The following YAP1 variants were observed in gnomAD, a reference collection of about 807,000 sequenced individuals.
YAP1 encodes the protein Yes1 associated transcriptional regulator.
A neutral mutation model predicts 56.9 loss-of-function variants in YAP1; 5 were observed. The ratio of observed to expected loss-of-function variants is 0.09; its 90% confidence interval spans 0.05 to 0.18. The LOEUF (loss-of-function observed/expected upper bound fraction) is 0.18. Among genes scored for constraint, YAP1 ranks in the 10% least tolerant of loss-of-function variants. The probability of loss-of-function intolerance (pLI) is 1.00; values close to 1 mark genes in which losing one functional copy is unlikely to be tolerated. For synonymous variants in YAP1, 265 were observed against 248.1 expected, an observed-to-expected ratio of 1.07 and a Z score of -0.64; for missense variants, 539 against 651.8, an observed-to-expected ratio of 0.83 and a Z score of 1.88.
intron 2 of YAP1, among the ~76,000 whole-genome samples, chr11:102,132,277 G>GA (rs780715525): frequency 5.4e-4 from 82 of 152,336 alleles, no homozygotes; most frequent in Non-Finnish European, 1.1e-3. Flanking sequence ...AGGAGTCAAA[G>GA]ACAGAGCTGC....
chr11:102,181,883 G>A (rs774460858), intron 3 of YAP1, among the ~76,000 whole-genome samples: 12 of 152,140 alleles, frequency 7.9e-5, no homozygotes, highest in South Asian at 2.1e-4. Context: ...GTGCAGTGGC[G>A]TGATCTGGCT....
rs1247288148 is a variant in YAP1, at chr11:102,162,580, G to A, written c.688+9G>A. ...GATGAACTCGGCTTCAGGTGAGTGA[G>A]ACACTGTAATTACAGCACATGGAGT... is the stretch of plus-strand genomic sequence containing the variant. On this transcript the variant is annotated intron_variant, in intron 3 of 8. Transcript: ENST00000282441. The A allele has an allele frequency of 6.2e-7, 1 of 1,611,308 alleles. No homozygotes were observed. Among genetic ancestry groups the A allele is most frequent in the Non-Finnish European group, 8.5e-7 (1 of 1,177,384 alleles).
At chr11:102,186,177 T>A in intron 4 of YAP1, 46 bp downstream of exon 4, 3 of 1,573,364 alleles carry the variant, frequency 1.9e-6, no homozygotes, top group Non-Finnish European at 2.6e-6. Context: ...TGGTTGCTAA[T>A]TTTTTTTGTA....
At chr11:102,114,031 A>G (rs1943126729) in intron 1 of YAP1, 113 bp from the exon 2 acceptor site, 10 of 1,149,144 alleles carry the variant, frequency 8.7e-6, no homozygotes, top group Non-Finnish European at 1.2e-5. Context: ...AAATGTTGAA[A>G]TTTTCCTTTG....
chr11:102,149,550 G>A (rs1591235861), intron 2 of YAP1, among the ~76,000 whole-genome samples: 2 of 152,226 alleles, frequency 1.3e-5, no homozygotes, highest in Non-Finnish European at 2.9e-5. Flanking sequence ...GAAGTGGCTT[G>A]TGATACAGGG....
chr11:102,142,383 A>T (rs1349790138), intron 2 of YAP1, among the ~76,000 whole-genome samples: 1 of 152,174 alleles, frequency 6.6e-6, no homozygotes, highest in Non-Finnish European at 1.5e-5. Flanking sequence ...CATATCACAA[A>T]TTGTTTATTA....
At chr11:102,217,732 C>T (rs138635933) in intron 6 of YAP1, among the ~76,000 whole-genome samples, 44 of 151,874 alleles carry the variant, frequency 2.9e-4, no homozygotes, top group African/African-American at 9.2e-4. Flanking sequence ...TTCTTATTGC[C>T]CAGGTTGGAG....
chr11:102,229,671 G>A (rs373217072), intron 8 of YAP1, 31 bp from the exon 9 acceptor site: 1 of 1,598,970 alleles, frequency 6.3e-7, no homozygotes, highest in Non-Finnish European at 8.6e-7. Flanking sequence ...TTTTCAAAAA[G>A]GACTTTGTTA....
intron 3 of YAP1, among the ~76,000 whole-genome samples, chr11:102,178,302 C>T (rs1315282311): frequency 1.3e-5 from 2 of 152,138 alleles, no homozygotes; most frequent in Non-Finnish European, 1.5e-5. Context: ...CTTGATAATC[C>T]TGTACTTTGT....
rs10607591 is a variant in YAP1, at chr11:102,186,690, CAAAG to C, written c.802+564_802+567del. The C allele has an allele frequency of 8.7e-3, 1,328 of 153,322 alleles. 13 individuals carry two copies. Among genetic ancestry groups the C allele is most frequent in the African/African-American group, 0.026 (1,091 of 41,372 alleles). The allele number at this position is 153,322 out of a possible 1,614,324, so 9.5% of individuals were successfully genotyped here. On this transcript the variant is annotated intron_variant, in intron 4 of 8. Coordinates refer to ENST00000282441, the MANE Select transcript of YAP1 (RefSeq NM_001130145.3). ...TGTTTTTTTTTCTTCATTCAGAAAACAAAGAAAGCCATATTCCCCTCCAGATCTC... is the reference window on the plus strand; with the variant it reads ...TGTTTTTTTTTCTTCATTCAGAAAACAAAGCCATATTCCCCTCCAGATCTC...
chr11:102,141,002 G>A (rs1565450374), intron 2 of YAP1, among the ~76,000 whole-genome samples: 1 of 152,272 alleles, frequency 6.6e-6, no homozygotes, highest in East Asian at 1.9e-4. Context: ...ACTGAATGGT[G>A]GCTTTTGGGA....
At chr11:102,170,966 CAAAAAAAAAAAAAA>C (rs1318003282) in intron 3 of YAP1, among the ~76,000 whole-genome samples, 4 of 129,252 alleles carry the variant, frequency 3.1e-5, no homozygotes, top group Non-Finnish European at 5.0e-5. Flanking sequence ...GACTCTGTCT[CAAAAAAAAAAAAAA>C]GAAAAAAAAA....
Position 102,231,427 on chromosome 11 carries a change from T to G in YAP1, c.*1487T>G, listed in dbSNP as rs1033896967. The G allele has an allele frequency of 6.6e-6, 1 of 152,494 alleles. No homozygotes were observed. Among genetic ancestry groups the G allele is most frequent in the Non-Finnish European group, 1.5e-5 (1 of 68,028 alleles). The allele number at this position is 152,494 out of a possible 1,614,324, so 9.4% of individuals were successfully genotyped here. A position where few individuals can be genotyped will look rare whatever the true frequency, so the allele number is the denominator to read the frequency against. ...TTGCTCCTACTTCTATGCTGAAAATTGACCCTGGATAGAATACTATAAGGT... is the reference window on the plus strand; with the variant it reads ...TTGCTCCTACTTCTATGCTGAAAATGGACCCTGGATAGAATACTATAAGGT... On this transcript the variant is annotated 3_prime_UTR_variant, in exon 9 of 9. Transcript: ENST00000282441.
chr11:102,222,883 A>T, intron 6 of YAP1, among the ~76,000 whole-genome samples: 1 of 127,518 alleles, frequency 7.8e-6, no homozygotes, highest in Non-Finnish European at 1.7e-5. Context: ...TTGGCGGGGG[A>T]GGGGGTCGGG....
chr11:102,178,330 G>A (rs1393507574), intron 3 of YAP1, among the ~76,000 whole-genome samples: 1 of 152,180 alleles, frequency 6.6e-6, no homozygotes, highest in Admixed American at 6.5e-5. Flanking sequence ...ATCAGGGTGT[G>A]TTTAGTAAAC....
In YAP1 at chr11:102,110,617, C is replaced by T. The variant is rs1210374514; in HGVS notation, c.-232C>T. On this transcript the variant is annotated 5_prime_UTR_variant, in exon 1 of 9. Coordinates refer to ENST00000282441, the MANE Select transcript of YAP1 (RefSeq NM_001130145.3). The stretch of plus-strand genomic sequence containing the variant: ...CCGCAGGTCCGAGTGCCTCGCAGCC[C>T]CTCCCGAGGCGCAGCCGCCAGACCA... The T allele has an allele frequency of 1.2e-5, 3 of 245,378 alleles. No individual in the cohort carries two copies. The highest frequency in any genetic ancestry group is 2.2e-5 in the Non-Finnish European group (3 of 133,544). The allele number at this position is 245,378 out of a possible 1,614,324, so 15.2% of individuals were successfully genotyped here.
chr11:102,187,508 T>C (rs1783420863), intron 4 of YAP1, among the ~76,000 whole-genome samples: 1 of 152,278 alleles, frequency 6.6e-6, no homozygotes, highest in Middle Eastern at 3.4e-3. Context: ...ACTGGAACAA[T>C]AACAGCCATG....
At chr11:102,111,226 G>T (rs1169000030) in intron 1 of YAP1, 57 bp downstream of exon 1, 2 of 1,595,082 alleles carry the variant, frequency 1.3e-6, no homozygotes, top group Middle Eastern at 1.7e-4. Context: ...GACCGGGGGG[G>T]CGCTCGGGAG....
intron 3 of YAP1, among the ~76,000 whole-genome samples, chr11:102,182,227 G>T (rs1591345508): frequency 6.6e-6 from 1 of 152,154 alleles, no homozygotes; most frequent in Admixed American, 6.5e-5. Flanking sequence ...AGCAACATGT[G>T]TTTTAACAAA....
Sources: allele counts gnomAD v4.1 joint callset (sites outside exome capture counted in the v4.1 genomes callset), GRCh38; gene constraint gnomAD v4.1.1; transcripts MANE v1.5; gene names NCBI Gene and HGNC (gene_info 2026-07-23, HGNC 2026-07-21).